DAAM2: variants seen among roughly 807,000 people sequenced by gnomAD.
The protein encoded by DAAM2 is dishevelled associated activator of morphogenesis 2, also known as disheveled-associated activator of morphogenesis 2.
A neutral mutation model predicts 120.7 loss-of-function variants in DAAM2; 39 were observed. That is an observed-to-expected ratio of 0.32 (90% CI 0.25 to 0.42). DAAM2 has a LOEUF of 0.42. Among genes scored for constraint, DAAM2 ranks in the 10% least tolerant of loss-of-function variants. The probability of loss-of-function intolerance (pLI) is 1.00; values close to 1 mark genes in which losing one functional copy is unlikely to be tolerated. For missense variants in DAAM2, 1,283 were observed against 1,401.7 expected, an observed-to-expected ratio of 0.92 and a Z score of 1.35; for synonymous variants, 488 against 524.9, an observed-to-expected ratio of 0.93 and a Z score of 0.96.
At chr6:39,818,571 G>A (rs1762385264) in intron 1 of DAAM2, among the ~76,000 whole-genome samples, 1 of 152,216 alleles carries the variant, frequency 6.6e-6, no homozygotes. Flanking sequence ...ATGGGTTGTA[G>A]CATGGCCTGG....
At chr6:39,861,111 A>G in intron 3 of DAAM2, 94 bp downstream of exon 3, 1 of 902,478 alleles carries the variant, frequency 1.1e-6, no homozygotes, top group Non-Finnish European at 1.8e-6. Flanking sequence ...CCTGATGTTT[A>G]TTACATGCCA....
intron 15 of DAAM2, chr6:39,886,678 A>T (rs1305876362): frequency 2.6e-6 from 1 of 386,022 alleles, no homozygotes; most frequent in Non-Finnish European, 4.6e-6. Context: ...TGGAATGAGG[A>T]GAAGGCTTCT....
At chr6:39,811,174 A>T (rs955075504) in intron 1 of DAAM2, among the ~76,000 whole-genome samples, 16 of 146,462 alleles carry the variant, frequency 1.1e-4, no homozygotes, top group Non-Finnish European at 1.9e-4. Flanking sequence ...AACTGAAGGG[A>T]GTGTGTGTGT....
chr6:39,884,142 G>T, intron 15 of DAAM2, 73 bp downstream of exon 15: 1 of 775,116 alleles, frequency 1.3e-6, no homozygotes, highest in Non-Finnish European at 2.2e-6. Context: ...TTTTCTTTCT[G>T]CCTGCCTGCC....
chr6:39,797,070 C>A (rs1022518527), intron 1 of DAAM2, among the ~76,000 whole-genome samples: 8 of 152,006 alleles, frequency 5.3e-5, no homozygotes, highest in African/African-American at 2.4e-5. Flanking sequence ...AGATGGAGAC[C>A]CTTTATACAA....
rs371806282 is a variant in DAAM2 at position 39,871,531 on chromosome 6, C to T, written c.1003C>T (p.Arg335Trp). 8.0e-5 allele frequency: 124 copies of T among 1,551,186 alleles called. No individual in the cohort carries two copies. The South Asian group carries it at 1.2e-3, about 14-fold the overall frequency. The change falls in exon 9 of 25, where the codon CGG becomes TGG. Residue 335 changes from arginine to tryptophan, a missense_variant. Arg to Trp is a moderately radical substitution (Grantham distance 101). Coordinates refer to ENST00000274867, the MANE Select transcript of DAAM2 (RefSeq NM_001201427.2). The stretch of plus-strand genomic sequence containing the variant: ...ACATTTAGACTTCTTCGAGATGGTG[C>T]GGAATGAGGATGACCTGGAGCTAGC... Reference protein sequence around the residue: ...DKHLDFFEMVRNEDDLELARR... With the variant: ...DKHLDFFEMVWNEDDLELARR...
intron 6 of DAAM2, 79 bp from the exon 7 acceptor site, chr6:39,868,744 G>T (rs1025394294): frequency 2.9e-6 from 3 of 1,031,040 alleles, no homozygotes; most frequent in African/African-American, 1.6e-5. Context: ...TAGTGGAGGC[G>T]ACAGGAGTAA....
intron 1 of DAAM2, among the ~76,000 whole-genome samples, chr6:39,850,275 G>GCACCCTTCCTT (rs2149271768): frequency 6.6e-6 from 1 of 152,064 alleles, no homozygotes; most frequent in Admixed American, 6.5e-5. Context: ...CCCTCCCCTT[G>GCACCCTTCCTT]CACCCTTCCT....
chr6:39,828,361 G>C (rs770696986), intron 1 of DAAM2, among the ~76,000 whole-genome samples: 2 of 152,124 alleles, frequency 1.3e-5, no homozygotes, highest in African/African-American at 2.4e-5. Context: ...AAAGAGCATA[G>C]GTACTCCTTG....
chr6:39,872,824 TC>T, intron 9 of DAAM2, among the ~76,000 whole-genome samples: 1 of 91,102 alleles, frequency 1.1e-5, no homozygotes, highest in Non-Finnish European at 2.2e-5. Context: ...ATGCCCCTGC[TC>T]CCTTCCCTAG....
At position 39,843,189 on chromosome 6, in the gene DAAM2, C is replaced by T. The variant is rs531370465; in HGVS notation, c.-56-13058C>T. Among the ~76,000 whole-genome samples the T allele has an allele frequency of 4.0e-4, 61 of 152,070 alleles. No individual in the cohort carries two copies. In the South Asian group the frequency reaches 5.2e-3, roughly 13 times the overall value. On this transcript the variant is annotated intron_variant, in intron 1 of 24. Transcript: ENST00000274867. The stretch of plus-strand genomic sequence containing the variant: ...TGCTGTGTGTATGGAAAGAGCACTG[C>T]GGGGGGAGTTGGAGATAAAAATGTC...
intron 19 of DAAM2, among the ~76,000 whole-genome samples, chr6:39,892,893 G>A (rs375212100): frequency 5.3e-5 from 8 of 152,174 alleles, no homozygotes; most frequent in African/African-American, 1.9e-4. Context: ...CACAGCAAGG[G>A]ACCTGCAGGT....
intron 9 of DAAM2, among the ~76,000 whole-genome samples, chr6:39,872,132 C>T (rs967159393): frequency 6.6e-6 from 1 of 152,152 alleles, no homozygotes; most frequent in African/African-American, 2.4e-5. Flanking sequence ...TAGGTGGCCC[C>T]ACAGCCATTT....
intron 1 of DAAM2, chr6:39,820,863 A>T (rs2114129087): frequency 6.6e-6 from 1 of 152,368 alleles, no homozygotes; most frequent in South Asian, 2.1e-4. Flanking sequence ...CATGCAAAGC[A>T]CTTAGGAAAG....
At chr6:39,895,686 A>G (rs1215019363) in intron 19 of DAAM2, among the ~76,000 whole-genome samples, 1 of 152,228 alleles carries the variant, frequency 6.6e-6, no homozygotes, top group African/African-American at 2.4e-5. Flanking sequence ...TTCAAAAATC[A>G]TATTCCGTAA....
intron 1 of DAAM2, among the ~76,000 whole-genome samples, chr6:39,815,601 C>T (rs541340325): frequency 1.3e-5 from 2 of 151,982 alleles, no homozygotes; most frequent in African/African-American, 2.4e-5. Flanking sequence ...ACCACGAACT[C>T]TTCTGCACTG....
chr6:39,892,280 C>T (rs1366870799), intron 19 of DAAM2, among the ~76,000 whole-genome samples: 1 of 152,214 alleles, frequency 6.6e-6, no homozygotes, highest in East Asian at 1.9e-4. Flanking sequence ...AAGCACTCTG[C>T]TTGGTTGGTC....
chr6:39,842,565 G>A (rs1211985205), intron 1 of DAAM2, among the ~76,000 whole-genome samples: 1 of 152,100 alleles, frequency 6.6e-6, no homozygotes, highest in Non-Finnish European at 1.5e-5. Flanking sequence ...CCCGGGAGGC[G>A]GAGGTTGCAG....
chr6:39,891,148 GAAA>G (rs984171513), intron 17 of DAAM2, among the ~76,000 whole-genome samples, 190 bp from the exon 18 acceptor site: 41 of 150,180 alleles, frequency 2.7e-4, no homozygotes, highest in Admixed American at 1.8e-3. Flanking sequence ...TTTTAAAAAA[GAAA>G]AAAGAATTTC....
Sources: allele counts gnomAD v4.1 joint callset (sites outside exome capture counted in the v4.1 genomes callset), GRCh38; gene constraint gnomAD v4.1.1; transcripts MANE v1.5; gene names NCBI Gene and HGNC (gene_info 2026-07-23, HGNC 2026-07-21).